Variants in ARHGAP32 observed in about 807,000 individuals in gnomAD.
ARHGAP32 encodes rho GTPase-activating protein 32.
ARHGAP32 carries 51 observed loss-of-function variants against 186.5 expected under a neutral mutation model. The observed-to-expected ratio is 0.27, with a 90% CI of 0.22 to 0.35. The LOEUF (loss-of-function observed/expected upper bound fraction) is 0.35, where lower values mean the gene tolerates loss of function less well. ARHGAP32 is among the 10% of genes least tolerant of loss of function. ARHGAP32 has a pLI of 1.00. For missense variants in ARHGAP32, 2,186 were observed against 2,623.5 expected (o/e 0.83, Z 3.64); for synonymous variants, 950 against 964.3 (o/e 0.99, Z 0.27).
In ARHGAP32 at chr11:128,981,840, T is replaced by G; in HGVS notation, c.1623A>C (p.Pro541=). ...GAAATGCAAATTACCTTAACAGGTTTGGAGCCCAAACAATTGCTAGATTTT... is the reference window on the plus strand; with the variant it reads ...GAAATGCAAATTACCTTAACAGGTTGGGAGCCCAAACAATTGCTAGATTTT... The part of the protein sequence containing the change: ...HAKNLAIVWA[P]NLLRSKQIES... The change falls in exon 16 of 23, where the codon CCA becomes CCC. Residue 541 remains proline (P), a synonymous_variant. Coordinates refer to ENST00000682385, the MANE Select transcript of ARHGAP32 (RefSeq NM_001378024.1). The G allele has an allele frequency of 2.5e-6, 4 of 1,610,368 alleles. No homozygotes were observed. The South Asian group carries it at 4.4e-5, about 18-fold the overall frequency.
intron 5 of ARHGAP32, among the ~76,000 whole-genome samples, chr11:129,104,962 G>C (rs923268991): frequency 6.6e-6 from 1 of 152,064 alleles, no homozygotes; most frequent in Non-Finnish European, 1.5e-5. Context: ...AACCCTCACC[G>C]GGCCTGAAAG....
intron 1 of ARHGAP32, among the ~76,000 whole-genome samples, chr11:129,209,726 T>C (rs927165986): frequency 1.3e-5 from 2 of 151,346 alleles, no homozygotes; most frequent in Non-Finnish European, 2.9e-5. Flanking sequence ...GCAAAGAAAG[T>C]AAAGATTTTT....
chr11:129,058,098 A>G (rs1234260223), intron 10 of ARHGAP32, among the ~76,000 whole-genome samples: 2 of 151,966 alleles, frequency 1.3e-5, no homozygotes, highest in African/African-American at 4.8e-5. Flanking sequence ...CTAACAGACC[A>G]ATTAAGGGAT....
intron 11 of ARHGAP32, among the ~76,000 whole-genome samples, chr11:129,035,173 CCTCT>C (rs71057921): frequency 7.4e-5 from 11 of 148,586 alleles, no homozygotes; most frequent in Non-Finnish European, 1.0e-4. Flanking sequence ...TGTTTCCTCT[CCTCT>C]CTCTCTCTCT....
At chr11:128,989,022 G>C (rs1373408987) in intron 12 of ARHGAP32, among the ~76,000 whole-genome samples, 1 of 152,146 alleles carries the variant, frequency 6.6e-6, no homozygotes, top group African/African-American at 2.4e-5. Flanking sequence ...GGTCTGCAAA[G>C]AGCTACTATA....
chr11:129,204,284 A>G (rs527336857), intron 1 of ARHGAP32, among the ~76,000 whole-genome samples: 1 of 152,204 alleles, frequency 6.6e-6, no homozygotes, highest in African/African-American at 2.4e-5. Context: ...TGATACTGCA[A>G]ATAAAAACTC....
intron 6 of ARHGAP32, among the ~76,000 whole-genome samples, chr11:129,069,817 C>G (rs560457451): frequency 3.3e-5 from 5 of 151,936 alleles, no homozygotes; most frequent in Non-Finnish European, 7.4e-5. Context: ...ATTTGGTAGG[C>G]TCACATTTAT....
At chr11:129,051,313 T>C (rs1940031924) in intron 10 of ARHGAP32, among the ~76,000 whole-genome samples, 1 of 152,228 alleles carries the variant, frequency 6.6e-6, no homozygotes, top group African/African-American at 2.4e-5. Context: ...TGTTGTTTCC[T>C]GACTTTTTAA....
chr11:128,967,797 A>G lies in ARHGAP32; in HGVS notation c.*1110T>C, dbSNP rs1175345977. Reference sequence around the variant, plus strand: ...CAGTTATTGCAGGAACTTGCAGTCTAATAATAGATAATGCGTAGCTACTTA... The same window carrying G: ...CAGTTATTGCAGGAACTTGCAGTCTGATAATAGATAATGCGTAGCTACTTA... On this transcript the variant is annotated 3_prime_UTR_variant, in exon 23 of 23. Transcript: ENST00000682385. 1 of 152,190 alleles carries G rather than the reference A, an allele frequency of 6.6e-6. No homozygotes were observed. Among genetic ancestry groups the G allele is most frequent in the African/African-American group, 2.4e-5 (1 of 41,440 alleles). 9.4% of individuals were successfully genotyped at this position (152,190 alleles called of 1,614,324 possible). A position where few individuals can be genotyped will look rare whatever the true frequency, so the allele number is the denominator to read the frequency against.
Position 129,062,362 on chromosome 11 carries a change from G to A in ARHGAP32, c.886-5C>T, listed in dbSNP as rs372181960. 6.2e-6 allele frequency: 10 copies of A among 1,610,770 alleles called. No individual in the cohort carries two copies. In the African/African-American group the frequency reaches 1.2e-4, roughly 19 times the overall value. ...AACAGAAACAATGTCTCCCACCTAG[G>A]AGAATCAAAATTTTAAGCAAAATGG... On this transcript the variant is annotated splice_polypyrimidine_tract_variant and splice_region_variant and intron_variant, in intron 9 of 22. Transcript: ENST00000682385.
chr11:129,071,610 A>T (rs1940869332), intron 6 of ARHGAP32, among the ~76,000 whole-genome samples: 1 of 152,124 alleles, frequency 6.6e-6, no homozygotes, highest in South Asian at 2.1e-4. Flanking sequence ...ATACACTTTT[A>T]TTGGAAATAT....
In ARHGAP32 at chr11:129,123,308, C is replaced by T. The variant is rs1942577958; in HGVS notation, c.444+138G>A. 1.5e-6 allele frequency: 1 copy of T among 647,332 alleles called. No individual in the cohort carries two copies. The highest frequency in any genetic ancestry group is 2.6e-6 in the Non-Finnish European group (1 of 384,800). The allele number at this position is 647,332 out of a possible 1,614,324, so 40.1% of individuals were successfully genotyped here. A position where few individuals can be genotyped will look rare whatever the true frequency, so the allele number is the denominator to read the frequency against. On this transcript the variant is annotated intron_variant, in intron 5 of 22. Transcript: ENST00000682385. The surrounding 1 kb of genome is among the most constrained non-coding windows in gnomAD (Gnocchi z 4.6). ...CAATAGAAGAGAAGAAAGATTTTACCTCAACCAATAAGACATCAATTAAAA... is the reference window on the plus strand; with the variant it reads ...CAATAGAAGAGAAGAAAGATTTTACTTCAACCAATAAGACATCAATTAAAA...
At chr11:129,149,272 T>C (rs2135448300) in intron 2 of ARHGAP32, among the ~76,000 whole-genome samples, 1 of 152,328 alleles carries the variant, frequency 6.6e-6, no homozygotes, top group South Asian at 2.1e-4. Context: ...CACAACATCC[T>C]GGCTAACCAA....
Position 129,261,914 on chromosome 11 carries a change from T to C in ARHGAP32, c.-5+17232A>G, listed in dbSNP as rs972918826. ...CTTTGTTGCTGTAACAAGAAAAAAA[T>C]CTTCAAGTTCTGATGATTTTTACAG... On this transcript the variant is annotated intron_variant, in intron 1 of 6. Transcript: ENST00000525234. Among the ~76,000 whole-genome samples, 16 of 152,280 alleles carry C rather than the reference T, an allele frequency of 1.1e-4. No individual in the cohort carries two copies. The East Asian group carries it at 1.9e-3, about 18-fold the overall frequency.
chr11:128,986,170 A>T, intron 14 of ARHGAP32, 85 bp from the exon 15 acceptor site: 2 of 1,041,932 alleles, frequency 1.9e-6, no homozygotes, highest in East Asian at 5.2e-5. Context: ...TCACTCTGAG[A>T]TCAACTTGCT....
chr11:129,079,288 T>C (rs1941149670), intron 6 of ARHGAP32, among the ~76,000 whole-genome samples: 1 of 152,118 alleles, frequency 6.6e-6, no homozygotes, highest in Admixed American at 6.5e-5. Context: ...AAAATGATCA[T>C]CACCTAGGCC....
chr11:129,026,656 G>A (rs957076820), intron 11 of ARHGAP32, among the ~76,000 whole-genome samples: 1 of 151,960 alleles, frequency 6.6e-6, no homozygotes, highest in African/African-American at 2.4e-5. Context: ...AGCCGGGCAT[G>A]GTGGCGCATG....
chr11:129,014,808 T>C (rs1938249895), intron 11 of ARHGAP32, among the ~76,000 whole-genome samples: 1 of 152,158 alleles, frequency 6.6e-6, no homozygotes, highest in African/African-American at 2.4e-5. Flanking sequence ...GAAATTTAAG[T>C]GAGGAGAATA....
In ARHGAP32 at chr11:129,221,447, T is replaced by A. The variant is rs556924358; in HGVS notation, c.-4-57020A>T. On this transcript the variant is annotated intron_variant, in intron 1 of 6. Coordinates refer to the ARHGAP32 transcript ENST00000525234. ...ATTTTGCTCCCTCCTAAAACCCCAT[T>A]ACAATCGAAACAAGCTTTGTAATTG... Among the ~76,000 whole-genome samples, 7 of 150,330 alleles carry A rather than the reference T, an allele frequency of 4.7e-5. No individual in the cohort carries two copies. The East Asian group carries it at 1.4e-3, about 30-fold the overall frequency.
Sources: allele counts gnomAD v4.1 joint callset (sites outside exome capture counted in the v4.1 genomes callset), GRCh38; gene constraint gnomAD v4.1.1; non-coding constraint Gnocchi (gnomAD v3.1); transcripts MANE v1.5; gene names NCBI Gene and HGNC (gene_info 2026-07-23, HGNC 2026-07-21).